Variants in CATSPERB observed in about 807,000 individuals in gnomAD.
The protein encoded by CATSPERB is cation channel sperm-associated auxiliary subunit beta.
A neutral mutation model predicts 128.3 loss-of-function variants in CATSPERB; 93 were observed. That is an observed-to-expected ratio of 0.72 (90% CI 0.61 to 0.86). The LOEUF is 0.86. Ranked by LOEUF, CATSPERB falls within the 40% of genes least tolerant of loss-of-function variation. CATSPERB has a pLI of 0.00. For synonymous variants in CATSPERB, 381 were observed against 448.8 expected (o/e 0.85, Z 1.91); for missense variants, 1,153 against 1,329.5 (o/e 0.87, Z 2.06).
chr14:91,685,608 A>G (rs978394676), intron 10 of CATSPERB, among the ~76,000 whole-genome samples: 4 of 152,242 alleles, frequency 2.6e-5, no homozygotes, highest in African/African-American at 4.8e-5. Context: ...TGATAATGAT[A>G]GGAATTTGTG....
chr14:91,596,919 C>A (rs188966037), intron 22 of CATSPERB, among the ~76,000 whole-genome samples: 144 of 151,338 alleles, frequency 9.5e-4, no homozygotes, highest in Non-Finnish European at 1.5e-3. Context: ...CAGAGTCTCG[C>A]ACTGTCACCC....
In CATSPERB at chr14:91,622,293, C is replaced by T. The variant is rs1210080155; in HGVS notation, c.1931-356G>A. The stretch of plus-strand genomic sequence containing the variant: ...ATTCTACAAGAGAAGGATAATGTAG[C>T]CAGTTTCCCCAGTACCTAAAGATGT... On this transcript the variant is annotated intron_variant, in intron 18 of 26. Transcript: ENST00000256343. Among the ~76,000 whole-genome samples, 7 of 151,922 alleles carry T rather than the reference C, an allele frequency of 4.6e-5. No individual in the cohort carries two copies. The South Asian group carries it at 8.3e-4, about 18-fold the overall frequency.
At chr14:91,697,992 A>G (rs1831552909) in intron 7 of CATSPERB, among the ~76,000 whole-genome samples, 1 of 152,128 alleles carries the variant, frequency 6.6e-6, no homozygotes, top group South Asian at 2.1e-4. Context: ...GATGGTAATG[A>G]TTCTTCCAAT....
intron 10 of CATSPERB, among the ~76,000 whole-genome samples, chr14:91,684,948 T>G (rs1444419494): frequency 2.0e-5 from 3 of 151,594 alleles, no homozygotes; most frequent in African/African-American, 7.3e-5. Context: ...TTGATTGATA[T>G]GGGGTCCTGG....
At chr14:91,639,932 G>A (rs967882282) in intron 15 of CATSPERB, among the ~76,000 whole-genome samples, 8 of 147,560 alleles carry the variant, frequency 5.4e-5, no homozygotes, top group Non-Finnish European at 1.0e-4. Flanking sequence ...CCAGGACTCA[G>A]TTTTTAGATT....
In CATSPERB at chr14:91,652,468, G is replaced by C. The variant is rs1894718698; in HGVS notation, c.1432+7369C>G. Among the ~76,000 whole-genome samples the C allele has an allele frequency of 3.3e-5, 5 of 150,550 alleles. No homozygotes were observed. The South Asian group carries it at 8.5e-4, about 26-fold the overall frequency. On this transcript the variant is annotated intron_variant, in intron 15 of 26. Coordinates refer to ENST00000256343, the MANE Select transcript of CATSPERB (RefSeq NM_024764.4). The stretch of plus-strand genomic sequence containing the variant: ...GAGGTCAGGAGTTTGAGACCAGCCT[G>C]GCCAACAAGGTGAAACCCTGTCTCT...
intron 15 of CATSPERB, among the ~76,000 whole-genome samples, chr14:91,658,234 A>T (rs891015749): frequency 3.3e-5 from 5 of 152,202 alleles, no homozygotes; most frequent in African/African-American, 1.2e-4. Flanking sequence ...ATTTGCAACA[A>T]CATGATTGGA....
chr14:91,625,202 A>G (rs1434422299), intron 17 of CATSPERB, among the ~76,000 whole-genome samples, 195 bp from the exon 18 acceptor site: 1 of 152,270 alleles, frequency 6.6e-6, no homozygotes, highest in Non-Finnish European at 1.5e-5. Context: ...CTCTAAAATT[A>G]GCGAAGATCT....
At chr14:91,717,970 G>A (rs1384863628) in intron 5 of CATSPERB, among the ~76,000 whole-genome samples, 3 of 152,092 alleles carry the variant, frequency 2.0e-5, no homozygotes, top group Non-Finnish European at 4.4e-5. Flanking sequence ...AGCTAATTTG[G>A]TCTTTTTCTA....
chr14:91,677,634 G>T (rs535229882), intron 11 of CATSPERB, among the ~76,000 whole-genome samples: 1 of 152,354 alleles, frequency 6.6e-6, no homozygotes, highest in Non-Finnish European at 1.5e-5. Flanking sequence ...TTCAGCCATT[G>T]TGGAGACAGT....
At chr14:91,616,729 TCC>T (rs34626665) in intron 20 of CATSPERB, among the ~76,000 whole-genome samples, 2 of 101,148 alleles carry the variant, frequency 2.0e-5, no homozygotes, top group South Asian at 3.6e-4. Flanking sequence ...TTTAAAGTAT[TCC>T]CCTTTTTTTT....
intron 14 of CATSPERB, among the ~76,000 whole-genome samples, chr14:91,667,584 G>T (rs1016896683): frequency 6.6e-6 from 1 of 152,058 alleles, no homozygotes; most frequent in African/African-American, 2.4e-5. Flanking sequence ...AAGTCTGCAA[G>T]AAATAATGAA....
At chr14:91,649,466 C>A (rs140465382) in intron 15 of CATSPERB, among the ~76,000 whole-genome samples, 2 of 151,218 alleles carry the variant, frequency 1.3e-5, no homozygotes, top group Admixed American at 6.6e-5. Context: ...CCACATCTAG[C>A]CTTCTTTTGC....
chr14:91,640,092 G>A (rs1429006350), intron 15 of CATSPERB, among the ~76,000 whole-genome samples: 4 of 152,014 alleles, frequency 2.6e-5, no homozygotes, highest in Admixed American at 6.6e-5. Flanking sequence ...AGCTTCATTC[G>A]ATGTTGGTTA....
intron 3 of CATSPERB, among the ~76,000 whole-genome samples, chr14:91,723,635 G>C (rs1365750521): frequency 6.6e-6 from 1 of 152,166 alleles, no homozygotes; most frequent in African/African-American, 2.4e-5. Context: ...CAGATACCAA[G>C]AGCTTTATTT....
At chr14:91,688,606 C>A (rs1342810393) in intron 10 of CATSPERB, among the ~76,000 whole-genome samples, 1 of 152,048 alleles carries the variant, frequency 6.6e-6, no homozygotes, top group Non-Finnish European at 1.5e-5. Flanking sequence ...CTCACTTTTG[C>A]CCTTGTGATT....
In CATSPERB at chr14:91,624,899, C is replaced by T; in HGVS notation, c.1851G>A (p.Val617=). ...AACTAGACAAACAAGAGCTCTCATTCACTTCTTCTAATCCAAAGGGCTCTT... is the reference window on the plus strand; with the variant it reads ...AACTAGACAAACAAGAGCTCTCATTTACTTCTTCTAATCCAAAGGGCTCTT... ...EMKEPFGLEE[V]NESSCLSSSL... is the part of the protein sequence containing the mutation. Residue 617 remains valine (V), a synonymous_variant, in exon 18 of 27, where the codon GTG becomes GTA. Transcript: ENST00000256343. 2 of 1,613,030 alleles carry T rather than the reference C, an allele frequency of 1.2e-6. No homozygotes were observed. The highest frequency in any genetic ancestry group is 1.7e-6 in the Non-Finnish European group (2 of 1,179,618).
At chr14:91,620,888 A>G (rs924520184) in intron 19 of CATSPERB, among the ~76,000 whole-genome samples, 3 of 152,156 alleles carry the variant, frequency 2.0e-5, no homozygotes, top group African/African-American at 7.2e-5. Flanking sequence ...ACATAAGAGG[A>G]TCTGCAGAGT....
intron 26 of CATSPERB, among the ~76,000 whole-genome samples, chr14:91,583,203 G>A (rs973443904): frequency 1.3e-5 from 2 of 152,192 alleles, no homozygotes; most frequent in South Asian, 2.1e-4. Context: ...CAGATCACGA[G>A]GTCAGGAGAT....
Sources: allele counts gnomAD v4.1 joint callset (sites outside exome capture counted in the v4.1 genomes callset), GRCh38; gene constraint gnomAD v4.1.1; transcripts MANE v1.5; gene names NCBI Gene and HGNC (gene_info 2026-07-23, HGNC 2026-07-21).